GATAD2B: variants seen among roughly 807,000 people sequenced by gnomAD.
GATAD2B encodes transcriptional repressor p66-beta.
Under a neutral mutation model 64.3 loss-of-function variants are expected in GATAD2B, and 8 were observed. The observed-to-expected ratio is 0.12, with a 90% confidence interval of 0.07 to 0.22. The LOEUF is 0.22. Among genes scored for constraint, GATAD2B ranks in the 10% least tolerant of loss-of-function variants. GATAD2B has a pLI of 1.00. For missense variants in GATAD2B, 453 were observed against 752.0 expected (o/e 0.60, Z 4.65); for synonymous variants, 281 against 271.3 (o/e 1.04, Z -0.35).
Position 153,816,139 on chromosome 1 carries a change from A to G in GATAD2B, c.1216+134T>C. 3.2e-6 allele frequency: 2 copies of G among 627,182 alleles called. No homozygotes were observed. The highest frequency in any genetic ancestry group is 2.8e-6 in the Non-Finnish European group (1 of 351,828). The allele number at this position is 627,182 out of a possible 1,614,324, so 38.9% of individuals were successfully genotyped here. Reference sequence around the variant, plus strand: ...ATGTTGCTCCCAAACAGCTGTAAAGAAGGGAGGGAGGTGGTTTGGTAACAG... The same window carrying G: ...ATGTTGCTCCCAAACAGCTGTAAAGGAGGGAGGGAGGTGGTTTGGTAACAG... On this transcript the variant is annotated intron_variant, in intron 7 of 10. Coordinates refer to ENST00000368655, the MANE Select transcript of GATAD2B (RefSeq NM_020699.4). This position sits in a 1 kb window ranked among gnomAD's most constrained non-coding sequence, Gnocchi z 4.9.
At chr1:153,872,316 CAAAAA>C (rs779386978) in intron 1 of GATAD2B, among the ~76,000 whole-genome samples, 3 of 58,702 alleles carry the variant, frequency 5.1e-5, no homozygotes, top group Non-Finnish European at 1.1e-4. Context: ...ACTCTGTCTC[CAAAAA>C]AAAAAAAAAA....
In GATAD2B at chr1:153,916,686, T is replaced by C. The variant is rs182645634; in HGVS notation, c.-2+6047A>G. 6.2e-4 allele frequency among the ~76,000 whole-genome samples: 94 copies of C among 152,352 alleles called. No individual in the cohort carries two copies. In the South Asian group the frequency reaches 6.4e-3, roughly 10 times the overall value. ...GGGAAGGCAATAATTTCATCATTAT[T>C]TGCATTATGCTTTAAAGTTCACAAA... On this transcript the variant is annotated intron_variant, in intron 1 of 10. Transcript: ENST00000368655.
At chr1:153,851,843 A>AT (rs1675908208) in intron 1 of GATAD2B, among the ~76,000 whole-genome samples, 1 of 152,178 alleles carries the variant, frequency 6.6e-6, no homozygotes, top group Non-Finnish European at 1.5e-5. Flanking sequence ...GAATGAGAAC[A>AT]TAAGTGCACT....
chr1:153,910,303 T>C (rs1678074949), intron 1 of GATAD2B, among the ~76,000 whole-genome samples: 1 of 152,198 alleles, frequency 6.6e-6, no homozygotes, highest in Non-Finnish European at 1.5e-5. Flanking sequence ...ATGGCTCAAC[T>C]TAAAATTTTT....
rs541908543 is a variant in GATAD2B, at chr1:153,851,843, A to G, written c.-1-23495T>C. On this transcript the variant is annotated intron_variant, in intron 1 of 10. Transcript: ENST00000368655. The stretch of plus-strand genomic sequence containing the variant: ...AACACAATGGCCACAGAATGAGAAC[A>G]TAAGTGCACTTGAATTTTTTGTGAG... Among the ~76,000 whole-genome samples, 9 of 152,296 alleles carry G rather than the reference A, an allele frequency of 5.9e-5. No homozygotes were observed. In the East Asian group the frequency reaches 9.6e-4, roughly 16 times the overall value.
chr1:153,872,553 C>CAAA (rs556951338), intron 1 of GATAD2B, among the ~76,000 whole-genome samples: 3 of 143,180 alleles, frequency 2.1e-5, no homozygotes, highest in Non-Finnish European at 4.6e-5. Context: ...TACATAATAT[C>CAAA]AAAAAAAAAA....
intron 1 of GATAD2B, chr1:153,852,224 G>C: frequency 8.6e-7 from 1 of 1,156,376 alleles, no homozygotes; most frequent in African/African-American, 1.5e-5. Flanking sequence ...CAGTTGAGGG[G>C]CATGTTGTTA....
intron 1 of GATAD2B, among the ~76,000 whole-genome samples, chr1:153,905,425 A>AACTATC (rs1294355410): frequency 1.3e-5 from 2 of 151,820 alleles, no homozygotes; most frequent in African/African-American, 4.8e-5. Flanking sequence ...GTGAAATAAA[A>AACTATC]ACTATCTATA....
chr1:153,858,084 G>T (rs913074156), intron 1 of GATAD2B, among the ~76,000 whole-genome samples: 1 of 152,222 alleles, frequency 6.6e-6, no homozygotes, highest in Non-Finnish European at 1.5e-5. Flanking sequence ...CTGACTTCAA[G>T]AATAGGATCA....
intron 1 of GATAD2B, among the ~76,000 whole-genome samples, chr1:153,912,148 A>G (rs1272192336): frequency 1.3e-5 from 2 of 152,214 alleles, no homozygotes; most frequent in African/African-American, 4.8e-5. Context: ...GGTAGATTTA[A>G]AGGCTTTCAT....
intron 1 of GATAD2B, among the ~76,000 whole-genome samples, chr1:153,887,062 AATTACT>A (rs1237100012): frequency 1.3e-5 from 2 of 152,126 alleles, no homozygotes; most frequent in African/African-American, 4.8e-5. Context: ...AATGCTTCAA[AATTACT>A]ATTACAACAA....
intron 1 of GATAD2B, among the ~76,000 whole-genome samples, chr1:153,836,835 C>G (rs954112247): frequency 1.3e-5 from 2 of 152,140 alleles, no homozygotes; most frequent in African/African-American, 4.8e-5. Flanking sequence ...ACCTTGGCTC[C>G]TTGAATTGAC....
chr1:153,897,533 T>C (rs1207223335), intron 1 of GATAD2B, among the ~76,000 whole-genome samples: 7 of 152,172 alleles, frequency 4.6e-5, no homozygotes. Context: ...CCAATGTGGG[T>C]GCAAGAGAAA....
chr1:153,904,462 TA>T (rs1318947458), intron 1 of GATAD2B, among the ~76,000 whole-genome samples: 1 of 152,148 alleles, frequency 6.6e-6, no homozygotes, highest in Admixed American at 6.6e-5. Flanking sequence ...AAACAAACTT[TA>T]AAACAAGAAG....
rs184391738 is a variant in GATAD2B at position 153,828,601 on chromosome 1, C to T, written c.-1-253G>A. On this transcript the variant is annotated intron_variant, in intron 1 of 10. Coordinates refer to ENST00000368655, the MANE Select transcript of GATAD2B (RefSeq NM_020699.4). ...AGCAATTTAAGTAAACTTAAATCTA[C>T]ATAAGCAAGGCCTGTTGACACGTGC... 6.6e-4 allele frequency among the ~76,000 whole-genome samples: 101 copies of T among 151,970 alleles called. 1 individual carries two copies. The highest frequency in any genetic ancestry group is 1.1e-3 in the Non-Finnish European group (78 of 67,994).
At chr1:153,817,180 C>G (rs576143782) in intron 6 of GATAD2B, among the ~76,000 whole-genome samples, 192 bp downstream of exon 6, 12 of 152,342 alleles carry the variant, frequency 7.9e-5, no homozygotes, top group Non-Finnish European at 1.5e-4. Flanking sequence ...CCTCTCTCCT[C>G]CACTACTATT....
intron 1 of GATAD2B, among the ~76,000 whole-genome samples, chr1:153,830,925 C>T (rs936034943): frequency 6.6e-6 from 1 of 152,104 alleles, no homozygotes; most frequent in African/African-American, 2.4e-5. Flanking sequence ...ACGCGTGCCA[C>T]CACACTGGGC....
rs1674547617 is a variant in GATAD2B, at chr1:153,818,132, A to G, written c.637T>C (p.Ser213Pro). 1 of 1,612,906 alleles carries G rather than the reference A, an allele frequency of 6.2e-7. No homozygotes were observed. The highest frequency in any genetic ancestry group is 8.5e-7 in the Non-Finnish European group (1 of 1,179,418). Residue 213 changes from serine (S) to proline (P), a missense_variant, in exon 5 of 11, where the codon TCT becomes CCT. By Grantham distance (74) the Ser-to-Pro change is moderately conservative (BLOSUM62 -1). Around this residue, in one of 2 missense-constraint regions of GATAD2B, gnomAD observed 293 missense variants for 417.2 expected, o/e 0.70. Transcript: ENST00000368655. ...VQNAASIVQP[S>P]PAHVGQQGLS... ...CCCTGCTGTCCCACATGGGCAGGAG[A>G]TGGCTGAACAATAGATGCTGCATTC...
intron 1 of GATAD2B, among the ~76,000 whole-genome samples, chr1:153,913,474 T>G (rs1485396836): frequency 1.3e-5 from 2 of 152,142 alleles, no homozygotes; most frequent in Non-Finnish European, 2.9e-5. Context: ...GTTTCTAGCC[T>G]GTTAGATGAA....
Sources: gnomAD v4.1 joint callset for allele counts (sites outside exome capture counted in the v4.1 genomes callset) on GRCh38, gnomAD v4.1.1 for gene constraint, gnomAD v4.1.1 regional missense constraint, Gnocchi (gnomAD v3.1) non-coding constraint, MANE v1.5 for transcripts, NCBI Gene and HGNC (gene_info 2026-07-23, HGNC 2026-07-21) for gene names.